RPGRIP1L: variants seen among roughly 807,000 people sequenced by gnomAD.
RPGRIP1L encodes RPGRIP1 like, also known as protein fantom.
In RPGRIP1L, 131 loss-of-function variants were observed where a neutral mutation model predicts 160.4. The observed-to-expected ratio is 0.82, with a 90% confidence interval of 0.71 to 0.94. The LOEUF (loss-of-function observed/expected upper bound fraction) is 0.94, where lower values mean the gene tolerates loss of function less well. RPGRIP1L is among the 40% of genes least tolerant of loss of function. The pLI, the probability that RPGRIP1L is intolerant of heterozygous loss-of-function variation, is 0.00. For missense variants in RPGRIP1L, 1,522 were observed against 1,535.8 expected, an observed-to-expected ratio of 0.99 and a Z score of 0.15; for synonymous variants, 510 against 515.8, an observed-to-expected ratio of 0.99 and a Z score of 0.15.
intron 14 of RPGRIP1L, 106 bp downstream of exon 14, chr16:53,656,366 A>C (rs922271435): frequency 1.3e-5 from 11 of 840,972 alleles, no homozygotes; most frequent in Non-Finnish European, 1.9e-5. Context: ...AATTAGGCGT[A>C]AACACAGCAA....
At chr16:53,611,887 TC>T (rs1964066949) in intron 24 of RPGRIP1L, among the ~76,000 whole-genome samples, 1 of 152,192 alleles carries the variant, frequency 6.6e-6, no homozygotes, top group Non-Finnish European at 1.5e-5. Context: ...ATGTAAAGGC[TC>T]CCCTGTGACC....
At chr16:53,623,920 C>T (rs1170776988) in intron 22 of RPGRIP1L, among the ~76,000 whole-genome samples, 1 of 152,066 alleles carries the variant, frequency 6.6e-6, no homozygotes, top group African/African-American at 2.4e-5. Flanking sequence ...TCTTCAGGTT[C>T]TTGCTTTGTT....
At chr16:53,700,535 T>C (rs898683203) in intron 2 of RPGRIP1L, 104 bp downstream of exon 2, 8 of 875,512 alleles carry the variant, frequency 9.1e-6, no homozygotes, top group African/African-American at 5.0e-5. Flanking sequence ...AAGGACTATA[T>C]AGTTACTTAA....
intron 2 of RPGRIP1L, among the ~76,000 whole-genome samples, chr16:53,697,974 C>T (rs891969272): frequency 5.9e-5 from 9 of 151,558 alleles, no homozygotes; most frequent in South Asian, 2.1e-4. Context: ...TCTGCCCGGC[C>T]GCCCATCGTC....
At chr16:53,642,833 G>T (rs1404596154) in intron 17 of RPGRIP1L, among the ~76,000 whole-genome samples, 1 of 152,118 alleles carries the variant, frequency 6.6e-6, no homozygotes, top group Non-Finnish European at 1.5e-5. Context: ...GCAAAATATA[G>T]ATAATTTCAT....
chr16:53,692,191 G>C lies in RPGRIP1L; in HGVS notation c.404C>G (p.Ser135Ter). 1 of 1,614,050 alleles carries C rather than the reference G, an allele frequency of 6.2e-7. No individual in the cohort carries two copies. Among genetic ancestry groups the C allele is most frequent in the South Asian group, 1.1e-5 (1 of 91,070 alleles). Residue 135 changes from serine (S) to a stop codon, truncating the protein, a stop_gained, in exon 4 of 27, where the codon TCA becomes TGA. Coordinates refer to ENST00000647211, the MANE Select transcript of RPGRIP1L (RefSeq NM_015272.5). LOFTEE classifies it high-confidence loss of function. The stretch of plus-strand genomic sequence containing the variant: ...CTGGGTTTGAAGTTGCTGTTTGGCT[G>C]AAATCAGTCTGTTTTTGAGGGTTTC... The part of the protein sequence containing the change: ...QNETLKNRLI[S>*]AKQQLQTQGY...
intron 3 of RPGRIP1L, among the ~76,000 whole-genome samples, chr16:53,692,579 T>G (rs1970462112): frequency 6.6e-6 from 1 of 152,244 alleles, no homozygotes; most frequent in African/African-American, 2.4e-5. Flanking sequence ...AATAACAGTT[T>G]CCTAAGGCTT....
At chr16:53,622,924 G>C in intron 22 of RPGRIP1L, among the ~76,000 whole-genome samples, 1 of 152,000 alleles carries the variant, frequency 6.6e-6, no homozygotes. Flanking sequence ...GCTTGAGCCT[G>C]AGAGGTTGGG....
In RPGRIP1L at chr16:53,600,595, G is replaced by A. The variant is rs768895521; in HGVS notation, c.*1481C>T. On this transcript the variant is annotated 3_prime_UTR_variant, in exon 27 of 27. Coordinates refer to ENST00000647211, the MANE Select transcript of RPGRIP1L (RefSeq NM_015272.5). The stretch of plus-strand genomic sequence containing the variant: ...TGTCATTTCAAAGCCTTCTAAAGAC[G>A]AGAGTCATTATTGAAGCCATTAGAG... 1 of 152,586 alleles carries A rather than the reference G, an allele frequency of 6.6e-6. No homozygotes were observed. Among genetic ancestry groups the A allele is most frequent in the Admixed American group, 6.5e-5 (1 of 15,268 alleles). The allele number at this position is 152,586 out of a possible 1,614,324, so 9.5% of individuals were successfully genotyped here. A position where few individuals can be genotyped will look rare whatever the true frequency, so the allele number is the denominator to read the frequency against.
In RPGRIP1L at chr16:53,641,393, T is replaced by C. The variant is rs1567825162; in HGVS notation, c.2766A>G (p.Pro922=). Residue 922 remains proline, a synonymous_variant, in exon 18 of 27, where the codon CCA becomes CCG. Transcript: ENST00000647211. ...CTTCAGTTGTTATTGATCCACTTGG[T>C]GGAAGGTAAGCAAATTTCCATTTCA... ...VILKWKFAYL[P]PSGSITTEDL... The C allele has an allele frequency of 6.2e-7, 1 of 1,614,078 alleles. No individual in the cohort carries two copies. The highest frequency in any genetic ancestry group is 1.1e-5 in the South Asian group (1 of 91,080).
intron 6 of RPGRIP1L, among the ~76,000 whole-genome samples, chr16:53,683,084 C>CT (rs553408629): frequency 7.8e-4 from 117 of 150,890 alleles, no homozygotes; most frequent in Non-Finnish European, 1.0e-3. Flanking sequence ...TTTTAGCCCA[C>CT]TTTTTTTTTA....
Position 53,637,687 on chromosome 16 carries a change from A to G in RPGRIP1L, c.3220+8T>C. 6.2e-7 allele frequency: 1 copy of G among 1,605,870 alleles called. No individual in the cohort carries two copies. The highest frequency in any genetic ancestry group is 8.5e-7 in the Non-Finnish European group (1 of 1,179,250). ...ACTAAACAATGTTAGTTTAAATAAGAAAGTCACCTTCTGGTTCCAAGTCCT... is the reference window on the plus strand; with the variant it reads ...ACTAAACAATGTTAGTTTAAATAAGGAAGTCACCTTCTGGTTCCAAGTCCT... On this transcript the variant is annotated splice_region_variant and intron_variant, in intron 21 of 26. Transcript: ENST00000647211.
At chr16:53,632,966 C>T (rs538262148) in intron 22 of RPGRIP1L, among the ~76,000 whole-genome samples, 13 of 152,108 alleles carry the variant, frequency 8.5e-5, no homozygotes, top group Non-Finnish European at 1.3e-4. Flanking sequence ...TTGTGTTTCC[C>T]CTACAGACTA....
At chr16:53,624,048 T>A (rs1298324473) in intron 22 of RPGRIP1L, among the ~76,000 whole-genome samples, 1 of 152,068 alleles carries the variant, frequency 6.6e-6, no homozygotes, top group Non-Finnish European at 1.5e-5. Context: ...CATGCCAACA[T>A]ACCCAGATAT....
chr16:53,694,961 G>C (rs904810298), intron 3 of RPGRIP1L: 3 of 190,660 alleles, frequency 1.6e-5, no homozygotes, highest in South Asian at 1.8e-4. Context: ...CGAACTTTCA[G>C]GAGGTTAAAT....
intron 22 of RPGRIP1L, among the ~76,000 whole-genome samples, chr16:53,623,161 A>T (rs1186968693): frequency 6.6e-6 from 1 of 152,194 alleles, no homozygotes; most frequent in Non-Finnish European, 1.5e-5. Context: ...CTAAGTTCTC[A>T]TGGGGGTAAC....
At chr16:53,610,825 C>A in intron 25 of RPGRIP1L, 142 bp downstream of exon 25, 3 of 710,690 alleles carry the variant, frequency 4.2e-6, no homozygotes, top group Non-Finnish European at 5.1e-6. Context: ...TACAGAGATC[C>A]CGTACTCATT....
At chr16:53,703,722 A>G (rs1971726260) in intron 1 of RPGRIP1L, 81 bp downstream of exon 1, 1 of 274,456 alleles carries the variant, frequency 3.6e-6, no homozygotes, top group South Asian at 3.9e-5. Context: ...AGCGGACCCT[A>G]GGACCCCGGC....
chr16:53,679,220 G>A (rs755492360), intron 6 of RPGRIP1L, among the ~76,000 whole-genome samples: 9 of 152,058 alleles, frequency 5.9e-5, no homozygotes, highest in Middle Eastern at 3.2e-3. Context: ...AGGAATGGAG[G>A]GGACAGTTTT....
Sources: allele counts gnomAD v4.1 joint callset (sites outside exome capture counted in the v4.1 genomes callset), GRCh38; gene constraint gnomAD v4.1.1; transcripts MANE v1.5; gene names NCBI Gene and HGNC (gene_info 2026-07-23, HGNC 2026-07-21).